The following SV2C variants were observed in gnomAD, a reference collection of about 807,000 sequenced individuals.
SV2C encodes synaptic vesicle glycoprotein 2C, also known as solute carrier family 22 member B3.
In SV2C, 49 loss-of-function variants were observed where a neutral mutation model predicts 79.7. The observed-to-expected ratio is 0.61, with a 90% CI of 0.49 to 0.78. SV2C has a LOEUF of 0.78. Ranked by LOEUF, SV2C falls within the 30% of genes least tolerant of loss-of-function variation. SV2C has a pLI of 0.00. For missense variants in SV2C, 833 were observed against 912.9 expected (o/e 0.91, Z 1.13); for synonymous variants, 334 against 333.2 (o/e 1.00, Z -0.03).
chr5:76,188,580 AT>A (rs1743994296), intron 2 of SV2C, among the ~76,000 whole-genome samples: 1 of 152,208 alleles, frequency 6.6e-6, no homozygotes, highest in Admixed American at 6.5e-5. Flanking sequence ...GATTTAAAAA[AT>A]AATAAAGTTA....
At chr5:75,973,748 G>A in the SV2C span, among the ~76,000 whole-genome samples, 220 of 152,092 alleles carry the variant, frequency 1.4e-3, 7 homozygotes, top group East Asian at 0.041. Flanking sequence ...CACTCAGTAA[G>A]TACTTGTTGA....
At chr5:75,931,127 G>A in the SV2C span, among the ~76,000 whole-genome samples, 7 of 152,106 alleles carry the variant, frequency 4.6e-5, no homozygotes, top group African/African-American at 9.6e-5. Context: ...ACCAAGACTC[G>A]GTCTTTAAAA....
chr5:76,093,801 A>T (rs1384000480), intron 1 of SV2C, among the ~76,000 whole-genome samples: 1 of 99,850 alleles, frequency 1.0e-5, no homozygotes, highest in Non-Finnish European at 1.8e-5. Flanking sequence ...CTGGGCTCTT[A>T]TCAAATTATT....
At chr5:76,267,638 T>G (rs1746709657) in intron 4 of SV2C, among the ~76,000 whole-genome samples, 1 of 152,234 alleles carries the variant, frequency 6.6e-6, no homozygotes, top group South Asian at 2.1e-4. Context: ...GGAGAGTGGT[T>G]GTCTACATCA....
the SV2C span, among the ~76,000 whole-genome samples, chr5:75,970,767 C>A: frequency 1.3e-5 from 2 of 152,086 alleles, no homozygotes; most frequent in Non-Finnish European, 2.9e-5. Context: ...TGGTACCATT[C>A]CTTCTGAAAC....
intron 4 of SV2C, among the ~76,000 whole-genome samples, chr5:76,241,864 C>G (rs1338945735): frequency 1.3e-5 from 2 of 151,782 alleles, no homozygotes; most frequent in Non-Finnish European, 2.9e-5. Context: ...GCCCCTTCCC[C>G]CAAAAACAAC....
intron 12 of SV2C, among the ~76,000 whole-genome samples, chr5:76,345,268 C>A (rs1749517824): frequency 6.6e-6 from 1 of 152,210 alleles, no homozygotes; most frequent in African/African-American, 2.4e-5. Flanking sequence ...GGAAGACTCT[C>A]CAAACGGCAA....
rs1223913470 is a variant in SV2C at position 76,220,032 on chromosome 5, T to C, written c.913+10145T>C. On this transcript the variant is annotated intron_variant, in intron 4 of 12. Transcript: ENST00000502798. ...GGTGCTCATGTGAAGAACTGCATGT[T>C]CCTATGCTGATAGCACTGCAGGTGA... Among the ~76,000 whole-genome samples, 64 of 152,324 alleles carry C rather than the reference T, an allele frequency of 4.2e-4. 1 individual carries two copies. The highest frequency in any genetic ancestry group is 7.3e-5 in the Non-Finnish European group (5 of 68,028).
the SV2C span, among the ~76,000 whole-genome samples, chr5:76,001,143 C>A: frequency 6.6e-6 from 1 of 152,078 alleles, no homozygotes; most frequent in South Asian, 2.1e-4. Context: ...CCTGGTGATG[C>A]ACCAAAGTTG....
chr5:75,998,182 G>A, the SV2C span, among the ~76,000 whole-genome samples: 1 of 152,036 alleles, frequency 6.6e-6, no homozygotes, highest in Non-Finnish European at 1.5e-5. Flanking sequence ...CACACACCGG[G>A]GCCTGATACG....
chr5:76,168,137 TAGATAGAGTCA>T (rs531826201), intron 2 of SV2C, among the ~76,000 whole-genome samples: 74 of 152,262 alleles, frequency 4.9e-4, no homozygotes, highest in African/African-American at 1.7e-3. Context: ...TGACCTCTTC[TAGATAGAGTCA>T]AGGTCCATGG....
chr5:76,046,780 C>T, the SV2C span, among the ~76,000 whole-genome samples: 2 of 152,220 alleles, frequency 1.3e-5, no homozygotes, highest in Non-Finnish European at 2.9e-5. Context: ...TGAGGGGATG[C>T]TCTCAGATGG....
At chr5:76,273,947 T>A (rs1370767544) in intron 4 of SV2C, among the ~76,000 whole-genome samples, 1 of 152,228 alleles carries the variant, frequency 6.6e-6, no homozygotes. Context: ...AGAATATGAC[T>A]GCGGTTATAG....
At chr5:76,177,490 G>A (rs1364345557) in intron 2 of SV2C, among the ~76,000 whole-genome samples, 3 of 151,666 alleles carry the variant, frequency 2.0e-5, no homozygotes, top group Admixed American at 2.0e-4. Flanking sequence ...TAATAAACTA[G>A]AATAATTATA....
chr5:76,049,610 A>G, the SV2C span, among the ~76,000 whole-genome samples: 3 of 152,214 alleles, frequency 2.0e-5, no homozygotes, highest in Non-Finnish European at 4.4e-5. Context: ...CTAGAATTCT[A>G]TTTAATAAGT....
In SV2C at chr5:76,131,860, C is replaced by A; in HGVS notation, c.110C>A (p.Ala37Asp). The change falls in exon 2 of 13, where the codon GCC becomes GAC. Residue 37 changes from alanine to aspartate, a missense_variant. By Grantham distance (126) the Ala-to-Asp change is moderately radical. Coordinates refer to ENST00000502798, the MANE Select transcript of SV2C (RefSeq NM_014979.4). Reference sequence around the variant, plus strand: ...AAGGTGAATCAAGCTGTGGACCGAGCCCAGGATGAATACACCCAGAGGTCC... The same window carrying A: ...AAGGTGAATCAAGCTGTGGACCGAGACCAGGATGAATACACCCAGAGGTCC... ...VKKVNQAVDR[A>D]QDEYTQRSYS... is the part of the protein sequence containing the mutation. 1 of 1,613,994 alleles carries A rather than the reference C, an allele frequency of 6.2e-7. No individual in the cohort carries two copies.
the SV2C span, among the ~76,000 whole-genome samples, chr5:75,902,323 A>C: frequency 6.6e-6 from 1 of 152,204 alleles, no homozygotes; most frequent in Admixed American, 6.5e-5. Context: ...ACACTAACAC[A>C]TAGGAAATCT....
rs16873314 is a variant in SV2C at position 76,318,894 on chromosome 5, C to T, written c.2001-6470C>T. 5.1e-3 allele frequency among the ~76,000 whole-genome samples: 776 copies of T among 152,232 alleles called. 5 individuals are homozygous for T. Among genetic ancestry groups the T allele is most frequent in the Middle Eastern group, 0.034 (10 of 294 alleles). On this transcript the variant is annotated intron_variant, in intron 12 of 12. Coordinates refer to ENST00000502798, the MANE Select transcript of SV2C (RefSeq NM_014979.4). Reference sequence around the variant, plus strand: ...TTAACTCATTCTACAGCTGAGAAGTCGGCAAGTCAGGGTTCTGCAAGCTCT... The same window carrying T: ...TTAACTCATTCTACAGCTGAGAAGTTGGCAAGTCAGGGTTCTGCAAGCTCT...
At chr5:76,305,670 C>T (rs1469875158) in intron 12 of SV2C, among the ~76,000 whole-genome samples, 3 of 152,174 alleles carry the variant, frequency 2.0e-5, no homozygotes, top group African/African-American at 7.2e-5. Context: ...GGAATTAAAT[C>T]TAGATGTACT....
Sources: gnomAD v4.1 joint callset for allele counts (sites outside exome capture counted in the v4.1 genomes callset) on GRCh38, gnomAD v4.1.1 for gene constraint, MANE v1.5 for transcripts, NCBI Gene and HGNC (gene_info 2026-07-23, HGNC 2026-07-21) for gene names.